PLTP: variants seen among roughly 807,000 people sequenced by gnomAD.
The protein encoded by PLTP is BPI fold containing family E.
Under a neutral mutation model 54.1 loss-of-function variants are expected in PLTP, and 43 were observed. That is an observed-to-expected ratio of 0.79 (90% CI 0.62 to 1.02). The LOEUF (loss-of-function observed/expected upper bound fraction) is 1.02. Ranked by LOEUF, PLTP falls within the 50% of genes least tolerant of loss-of-function variation. PLTP has a pLI of 0.00. For missense variants in PLTP, 604 were observed against 645.9 expected (o/e 0.94, Z 0.70); for synonymous variants, 263 against 264.6 (o/e 0.99, Z 0.06).
intron 12 of PLTP, among the ~76,000 whole-genome samples, chr20:45,900,914 G>A (rs976958262): frequency 3.3e-5 from 5 of 152,184 alleles, no homozygotes; most frequent in Admixed American, 6.5e-5. Flanking sequence ...CAAGGAGTGG[G>A]CACTATTAGG....
chr20:45,902,627 G>A lies in PLTP; in HGVS notation c.943-23C>T, dbSNP rs76372130. ...GCTCTGGGGGATGAGCAGCAGGGGC[G>A]GGTCAAGTCCCTGCCATTTCCTTTG... On this transcript the variant is annotated intron_variant, in intron 10 of 15. Transcript: ENST00000372431. 2.9e-3 allele frequency: 4,583 copies of A among 1,573,044 alleles called. 120 individuals carry two copies. In the African/African-American group the frequency reaches 0.055, roughly 19 times the overall value.
rs190186546 is a variant in PLTP, at chr20:45,899,703, G to A, written c.1219-18C>T. 373 of 1,614,120 alleles carry A rather than the reference G, an allele frequency of 2.3e-4. No individual in the cohort carries two copies. In the African/African-American group the frequency reaches 3.8e-3, roughly 16 times the overall value. On this transcript the variant is annotated intron_variant, in intron 13 of 15. Coordinates refer to ENST00000372431, the MANE Select transcript of PLTP (RefSeq NM_006227.4). ...GGGATCAGCTGGGAGGGGCGAGGGC[G>A]GAAACAGGGCAGTGAGTCAGGGTTG...
intron 3 of PLTP, 97 bp from the exon 4 acceptor site, chr20:45,910,167 G>A (rs2083277237): frequency 7.4e-7 from 1 of 1,360,498 alleles, no homozygotes; most frequent in Admixed American, 1.7e-5. Flanking sequence ...CCAGGCCTGG[G>A]GAAGCGGGAG....
rs1279870134 is a variant in PLTP, at chr20:45,909,674, G to C, written c.330-3C>G. The C allele has an allele frequency of 1.9e-6, 3 of 1,614,116 alleles. No individual in the cohort carries two copies. The stretch of plus-strand genomic sequence containing the variant: ...CGTTGATGTAGCCCCCATCATAGCT[G>C]CCAGGGGGGTTAATATTCACTCCAG... On this transcript the variant is annotated splice_polypyrimidine_tract_variant and splice_region_variant and intron_variant, in intron 4 of 15. Transcript: ENST00000372431.
At chr20:45,899,765 TGAG>T (rs2083161105) in intron 13 of PLTP, 68 bp downstream of exon 13, 1 of 1,600,764 alleles carries the variant, frequency 6.2e-7, no homozygotes, top group Non-Finnish European at 8.5e-7. Context: ...AGCAGTTATA[TGAG>T]GAGGGGGGGA....
chr20:45,904,996 G>A lies in PLTP; in HGVS notation c.828C>T (p.Ala276=). ...CCCCCGCCCGGAAGTAGCTCTCCAT[G>A]GCAGAGTCGAAGAAGAACTCAGAGA... is the stretch of plus-strand genomic sequence containing the variant. ...VAFSEFFFDS[A]MESYFRAGAL... Residue 276 remains alanine (A), a synonymous_variant, in exon 9 of 16, where the codon GCC becomes GCT. Coordinates refer to ENST00000372431, the MANE Select transcript of PLTP (RefSeq NM_006227.4). The A allele has an allele frequency of 3.1e-6, 5 of 1,614,204 alleles. No homozygotes were observed. Among genetic ancestry groups the A allele is most frequent in the Non-Finnish European group, 4.2e-6 (5 of 1,180,044 alleles).
Position 45,911,217 on chromosome 20 carries a change from C to T in PLTP, c.135G>A (p.Glu45=). 1 of 1,614,194 alleles carries T rather than the reference C, an allele frequency of 6.2e-7. No individual in the cohort carries two copies. Among genetic ancestry groups the T allele is most frequent in the Non-Finnish European group, 8.5e-7 (1 of 1,180,020 alleles). The change falls in exon 3 of 16, where the codon GAG becomes GAA. Residue 45 remains glutamate (E), a synonymous_variant. Coordinates refer to ENST00000372431, the MANE Select transcript of PLTP (RefSeq NM_006227.4). ...GGTCCGGAATGGTGATAGTCTCCAG[C>T]TCTTGCTCCAGAAAGCGCAGCCCCT... ...KQEGLRFLEQ[E]LETITIPDLR...
At position 45,902,624 on chromosome 20, in the gene PLTP, G is replaced by A. The variant is rs1401080715; in HGVS notation, c.943-20C>T. 1 of 1,578,184 alleles carries A rather than the reference G, an allele frequency of 6.3e-7. No homozygotes were observed. The highest frequency in any genetic ancestry group is 2.3e-5 in the East Asian group (1 of 42,890). Reference sequence around the variant, plus strand: ...TGGGCTCTGGGGGATGAGCAGCAGGGGCGGGTCAAGTCCCTGCCATTTCCT... The same window carrying A: ...TGGGCTCTGGGGGATGAGCAGCAGGAGCGGGTCAAGTCCCTGCCATTTCCT... On this transcript the variant is annotated intron_variant, in intron 10 of 15. Coordinates refer to ENST00000372431, the MANE Select transcript of PLTP (RefSeq NM_006227.4).
At chr20:45,904,670 C>A in intron 10 of PLTP, 130 bp downstream of exon 10, 2 of 837,390 alleles carry the variant, frequency 2.4e-6, no homozygotes, top group Admixed American at 1.7e-5. Context: ...CATGACAAGG[C>A]GAGGGGGATT....
chr20:45,911,456 G>A lies in PLTP; in HGVS notation c.-4C>T, dbSNP rs772915034. 6.2e-7 allele frequency: 1 copy of A among 1,602,858 alleles called. No individual in the cohort carries two copies. The highest frequency in any genetic ancestry group is 8.5e-7 in the Non-Finnish European group (1 of 1,179,888). On this transcript the variant is annotated 5_prime_UTR_variant, in exon 2 of 16. Coordinates refer to ENST00000372431, the MANE Select transcript of PLTP (RefSeq NM_006227.4). ...AGAGGGCCCCGAAGAGGGCCATGGC[G>A]AGCGGGCCTGGGGGTGGGGTGGGGT... is the stretch of plus-strand genomic sequence containing the variant.
intron 12 of PLTP, 85 bp from the exon 13 acceptor site, chr20:45,899,963 C>T (rs35033188): frequency 8.2e-7 from 1 of 1,214,066 alleles, no homozygotes; most frequent in Non-Finnish European, 1.2e-6. Flanking sequence ...CCAGAGGTGT[C>T]TGAGTTGCAG....
rs758931989 is a variant in PLTP, at chr20:45,911,174, G to A, written c.178C>T (p.His60Tyr). Residue 60 changes from histidine (H) to tyrosine (Y), a missense_variant, in exon 3 of 16, where the codon CAC (histidine) becomes TAC (tyrosine). Transcript: ENST00000372431. The part of the protein sequence containing the change: ...TIPDLRGKEG[H>Y]FYYNISEVKV... ...TACTCAGAGATGTTGTAGTAGAAGTGGCCTTCTTTGCCCCGCAGGTCCGGA... is the reference window on the plus strand; with the variant it reads ...TACTCAGAGATGTTGTAGTAGAAGTAGCCTTCTTTGCCCCGCAGGTCCGGA... 6.2e-6 allele frequency: 10 copies of A among 1,613,690 alleles called. No individual in the cohort carries two copies. The highest frequency in any genetic ancestry group is 7.6e-6 in the Non-Finnish European group (9 of 1,179,734).
intron 7 of PLTP, among the ~76,000 whole-genome samples, 178 bp downstream of exon 7, chr20:45,907,514 G>A (rs1230837471): frequency 6.6e-6 from 1 of 152,162 alleles, no homozygotes. Flanking sequence ...TGCCAGCCAA[G>A]TGAGGAAACA....
Position 45,899,644 on chromosome 20 carries a change from A to G in PLTP, c.1260T>C (p.Ile420=), listed in dbSNP as rs370866279. The G allele has an allele frequency of 6.2e-7, 1 of 1,613,958 alleles. No homozygotes were observed. The highest frequency in any genetic ancestry group is 8.5e-7 in the Non-Finnish European group (1 of 1,180,008). The part of the protein sequence containing the change: ...LQAPLKTMLQ[I]GVMPMLNERT... Reference sequence around the variant, plus strand: ...TACCATTGAGCATGGGCATCACCCCAATCTGCAGCATGGTCTTCAGAGGGG... The same window carrying G: ...TACCATTGAGCATGGGCATCACCCCGATCTGCAGCATGGTCTTCAGAGGGG... Residue 420 remains isoleucine (I), a synonymous_variant, in exon 14 of 16, where the codon ATT becomes ATC. Coordinates refer to ENST00000372431, the MANE Select transcript of PLTP (RefSeq NM_006227.4).
intron 12 of PLTP, among the ~76,000 whole-genome samples, chr20:45,901,610 A>C (rs2083184521): frequency 6.6e-6 from 1 of 151,828 alleles, no homozygotes; most frequent in African/African-American, 2.4e-5. Context: ...AAATAAATAC[A>C]ATAAAATAAG....
At chr20:45,902,642 C>A in intron 10 of PLTP, 38 bp from the exon 11 acceptor site, 1 of 1,549,088 alleles carries the variant, frequency 6.5e-7, no homozygotes, top group Non-Finnish European at 8.7e-7. Context: ...AAGTCCCTGC[C>A]ATTTCCTTTG....
chr20:45,905,998 G>A (rs529663932), intron 8 of PLTP, among the ~76,000 whole-genome samples: 1 of 152,230 alleles, frequency 6.6e-6, no homozygotes, highest in African/African-American at 2.4e-5. Flanking sequence ...CAAAGGCCCT[G>A]AGGTGGGAAG....
Position 45,911,353 on chromosome 20 carries a change from C to A in PLTP, c.100G>T (p.Val34Leu), listed in dbSNP as rs1353977831. ...GTCCCTGTCTGCCCCTGCGCCTTAC[C>A]CAGCTCCAGCGCCTTGGAGGTGACG... ...IRVTSKALEL[V>L]KQEGLRFLEQ... is the part of the protein sequence containing the mutation. Residue 34 changes from valine (V) to leucine (L), a missense_variant and splice_region_variant, in exon 2 of 16, where the codon GTG becomes TTG. Val to Leu is a conservative substitution (Grantham distance 32). Coordinates refer to ENST00000372431, the MANE Select transcript of PLTP (RefSeq NM_006227.4). 2.5e-6 allele frequency: 4 copies of A among 1,613,276 alleles called. No individual in the cohort carries two copies. Among genetic ancestry groups the A allele is most frequent in the Non-Finnish European group, 3.4e-6 (4 of 1,180,016 alleles).
At chr20:45,907,460 C>G (rs915118492) in intron 7 of PLTP, among the ~76,000 whole-genome samples, 1 of 152,156 alleles carries the variant, frequency 6.6e-6, no homozygotes, top group African/African-American at 2.4e-5. Flanking sequence ...ACCTTGACAA[C>G]TATTCTCTCA....
Sources: gnomAD v4.1 joint callset for allele counts (sites outside exome capture counted in the v4.1 genomes callset) on GRCh38, gnomAD v4.1.1 for gene constraint, MANE v1.5 for transcripts, NCBI Gene and HGNC (gene_info 2026-07-23, HGNC 2026-07-21) for gene names.